Variants in MALRD1 observed in about 807,000 individuals in gnomAD.
MALRD1 encodes the protein MAM and LDL-receptor class A domain-containing protein 1.
Under a neutral mutation model 242.1 loss-of-function variants are expected in MALRD1, and 247 were observed. The observed-to-expected ratio is 1.02, with a 90% confidence interval of 0.92 to 1.13. The LOEUF (loss-of-function observed/expected upper bound fraction) is 1.13, where lower values mean the gene tolerates loss of function less well. Among genes scored for constraint, MALRD1 ranks in the 50% most tolerant of loss-of-function variants. The probability of loss-of-function intolerance (pLI) is 0.00; values close to 1 mark genes in which losing one functional copy is unlikely to be tolerated. For missense variants in MALRD1, 2,989 were observed against 2,533.1 expected (o/e 1.18, Z -3.86); for synonymous variants, 995 against 866.6 (o/e 1.15, Z -2.60).
chr10:19,437,906 T>C (rs2130970683), intron 28 of MALRD1, among the ~76,000 whole-genome samples: 1 of 152,302 alleles, frequency 6.6e-6, no homozygotes, highest in South Asian at 2.1e-4. Flanking sequence ...CCCAGTTCTT[T>C]ACATCCTCAA....
At chr10:19,368,445 T>C (rs1035238758) in intron 26 of MALRD1, among the ~76,000 whole-genome samples, 1 of 152,066 alleles carries the variant, frequency 6.6e-6, no homozygotes, top group Non-Finnish European at 1.5e-5. Context: ...TGGATTCATT[T>C]TGGGGTTCTG....
intron 32 of MALRD1, among the ~76,000 whole-genome samples, chr10:19,548,310 T>C (rs535381141): frequency 2.0e-5 from 3 of 152,224 alleles, no homozygotes; most frequent in African/African-American, 7.2e-5. Flanking sequence ...ACTTGAGTCA[T>C]TCGATGGGTT....
chr10:19,725,522 A>G (rs770926603), intron 38 of MALRD1, among the ~76,000 whole-genome samples: 2 of 152,224 alleles, frequency 1.3e-5, no homozygotes, highest in Non-Finnish European at 2.9e-5. Flanking sequence ...CAGCATGAGA[A>G]CAGACTAATA....
At chr10:19,486,942 T>A (rs1837262432) in intron 29 of MALRD1, among the ~76,000 whole-genome samples, 1 of 152,166 alleles carries the variant, frequency 6.6e-6, no homozygotes, top group South Asian at 2.1e-4. Flanking sequence ...AAACCTTATG[T>A]TCTTACTGGA....
intron 14 of MALRD1, among the ~76,000 whole-genome samples, chr10:19,178,886 C>A (rs1835375690): frequency 6.6e-6 from 1 of 152,164 alleles, no homozygotes; most frequent in Admixed American, 6.5e-5. Context: ...TATTTACTCT[C>A]TGAACGTAAA....
chr10:19,606,625 C>T (rs1241599377), intron 34 of MALRD1, among the ~76,000 whole-genome samples: 2 of 152,090 alleles, frequency 1.3e-5, no homozygotes, highest in Non-Finnish European at 2.9e-5. Flanking sequence ...GCTCCACACA[C>T]ATCACAGTGC....
At chr10:19,581,830 C>G (rs962284949) in intron 33 of MALRD1, among the ~76,000 whole-genome samples, 2 of 151,460 alleles carry the variant, frequency 1.3e-5, no homozygotes, top group Admixed American at 1.3e-4. Context: ...GTTGACAGTC[C>G]CACCAACAGT....
intron 31 of MALRD1, among the ~76,000 whole-genome samples, chr10:19,522,142 G>C (rs1053640047): frequency 6.6e-5 from 10 of 152,046 alleles, no homozygotes; most frequent in Non-Finnish European, 1.5e-4. Context: ...GCTCTTCATT[G>C]CCTTTCAGTT....
At chr10:19,189,831 T>C (rs1213392260) in intron 14 of MALRD1, among the ~76,000 whole-genome samples, 1 of 152,054 alleles carries the variant, frequency 6.6e-6, no homozygotes, top group African/African-American at 2.4e-5. Flanking sequence ...ATAAAAGCCA[T>C]GTATGAAAAA....
chr10:19,454,950 A>G (rs999239020), intron 29 of MALRD1, among the ~76,000 whole-genome samples: 10 of 152,162 alleles, frequency 6.6e-5, no homozygotes, highest in Non-Finnish European at 1.3e-4. Flanking sequence ...TGAATACATT[A>G]TGGTGCTATC....
At chr10:19,531,160 T>C (rs1476469339) in intron 31 of MALRD1, 34 bp from the exon 32 acceptor site, 3 of 1,525,256 alleles carry the variant, frequency 2.0e-6, no homozygotes, top group Non-Finnish European at 2.7e-6. Flanking sequence ...ATATTATCAT[T>C]ACACTGAAAA....
At chr10:19,689,207 A>G (rs1450748127) in intron 36 of MALRD1, among the ~76,000 whole-genome samples, 1 of 152,162 alleles carries the variant, frequency 6.6e-6, no homozygotes, top group East Asian at 1.9e-4. Flanking sequence ...GGAAACACAC[A>G]TACAAAACTG....
intron 32 of MALRD1, among the ~76,000 whole-genome samples, chr10:19,539,252 G>T (rs1564424761): frequency 6.6e-6 from 1 of 152,158 alleles, no homozygotes; most frequent in Non-Finnish European, 1.5e-5. Context: ...TAAGGCAAAT[G>T]AGATAGACAA....
intron 36 of MALRD1, among the ~76,000 whole-genome samples, chr10:19,676,828 C>T (rs926063265): frequency 8.5e-5 from 13 of 152,146 alleles, no homozygotes; most frequent in African/African-American, 2.7e-4. Context: ...CTCCCTCTCC[C>T]CTGACAGGAC....
chr10:19,349,323 A>G (rs759243032), intron 25 of MALRD1, among the ~76,000 whole-genome samples: 4 of 148,340 alleles, frequency 2.7e-5, no homozygotes, highest in Admixed American at 6.6e-5. Flanking sequence ...GGAGAGAAAC[A>G]TATCAAACAG....
chr10:19,099,763 A>ATATATTTT lies in MALRD1; in HGVS notation c.598-4215_598-4214insATATTTTT, dbSNP rs1554788439. Among the ~76,000 whole-genome samples the ATATATTTT allele has an allele frequency of 6.7e-5, 10 of 149,328 alleles. No individual in the cohort carries two copies. The East Asian group carries it at 1.2e-3, about 18-fold the overall frequency. Reference sequence around the variant, plus strand: ...CTCCATAGAACCTATATATATATATATTTTTTTTAATTTTTTTTGCCAGAT... The same window carrying ATATATTTT: ...CTCCATAGAACCTATATATATATATATATATTTTTTTTTTTTAATTTTTTTTGCCAGAT... On this transcript the variant is annotated intron_variant, in intron 4 of 39. Coordinates refer to ENST00000454679, the MANE Select transcript of MALRD1 (RefSeq NM_001142308.3).
chr10:19,600,672 A>G (rs765455125), intron 34 of MALRD1, among the ~76,000 whole-genome samples: 1 of 152,070 alleles, frequency 6.6e-6, no homozygotes, highest in Non-Finnish European at 1.5e-5. Flanking sequence ...TACATATTCT[A>G]CGTTTGAATA....
intron 19 of MALRD1, among the ~76,000 whole-genome samples, chr10:19,278,895 TAAG>T (rs1840669055): frequency 6.6e-6 from 1 of 152,148 alleles, no homozygotes; most frequent in African/African-American, 2.4e-5. Context: ...AATGATATAA[TAAG>T]TAAATTGCAA....
chr10:19,059,360 T>G (rs1401516896), intron 1 of MALRD1, among the ~76,000 whole-genome samples: 2 of 152,074 alleles, frequency 1.3e-5, no homozygotes, highest in African/African-American at 2.4e-5. Context: ...GATTTCAACT[T>G]TTCTAAAATA....
Sources: gnomAD v4.1 joint callset for allele counts (sites outside exome capture counted in the v4.1 genomes callset) on GRCh38, gnomAD v4.1.1 for gene constraint, MANE v1.5 for transcripts, NCBI Gene and HGNC (gene_info 2026-07-23, HGNC 2026-07-21) for gene names.